Variants in ANGPT4 observed in about 807,000 individuals in gnomAD.
The protein encoded by ANGPT4 is angiopoietin-4.
ANGPT4 carries 50 observed loss-of-function variants against 53.0 expected under a neutral mutation model. The observed-to-expected ratio is 0.94, with a 90% confidence interval of 0.75 to 1.20. The LOEUF is 1.20. Ranked by LOEUF, ANGPT4 falls within the 50% of genes most tolerant of loss-of-function variation. The probability of loss-of-function intolerance (pLI) is 0.00; values close to 1 mark genes in which losing one functional copy is unlikely to be tolerated. For synonymous variants in ANGPT4, 251 were observed against 259.7 expected, an observed-to-expected ratio of 0.97 and a Z score of 0.32; for missense variants, 648 against 637.1, an observed-to-expected ratio of 1.02 and a Z score of -0.18.
At chr20:901,506 T>A (rs1193357685) in intron 1 of ANGPT4, among the ~76,000 whole-genome samples, 1 of 152,202 alleles carries the variant, frequency 6.6e-6, no homozygotes, top group Admixed American at 6.5e-5. Flanking sequence ...TGACTCCTTT[T>A]TCGGACTCAG....
intron 1 of ANGPT4, 126 bp downstream of exon 1, chr20:915,780 T>G (rs1982906167): frequency 2.4e-6 from 3 of 1,241,784 alleles, no homozygotes; most frequent in Non-Finnish European, 3.3e-6. Context: ...CCCCTGCCCC[T>G]CTTTGTGCAG....
At chr20:893,499 G>A (rs1030690003) in intron 1 of ANGPT4, among the ~76,000 whole-genome samples, 1 of 152,180 alleles carries the variant, frequency 6.6e-6, no homozygotes, top group South Asian at 2.1e-4. Context: ...GATGCCAAGA[G>A]GTCTGAGGAT....
intron 1 of ANGPT4, among the ~76,000 whole-genome samples, chr20:900,716 G>C (rs899979634): frequency 1.3e-5 from 2 of 152,150 alleles, no homozygotes; most frequent in Admixed American, 1.3e-4. Flanking sequence ...GAAGAAGGTT[G>C]TTTTCACCTA....
At chr20:907,356 G>T (rs954871807) in intron 1 of ANGPT4, among the ~76,000 whole-genome samples, 3 of 152,112 alleles carry the variant, frequency 2.0e-5, no homozygotes, top group African/African-American at 2.4e-5. Flanking sequence ...AGAGGGAGGG[G>T]AGCAGGGCCT....
chr20:892,559 C>T (rs913251494), intron 1 of ANGPT4, among the ~76,000 whole-genome samples: 1 of 150,006 alleles, frequency 6.7e-6, no homozygotes, highest in Non-Finnish European at 1.5e-5. Flanking sequence ...TGCACCACTG[C>T]ACTCCAGCCT....
intron 1 of ANGPT4, among the ~76,000 whole-genome samples, chr20:890,909 T>C (rs1339249563): frequency 6.6e-6 from 1 of 152,222 alleles, no homozygotes; most frequent in Non-Finnish European, 1.5e-5. Context: ...CGCATCTGCG[T>C]GGCACACCTC....
At chr20:900,283 T>A (rs1264685560) in intron 1 of ANGPT4, among the ~76,000 whole-genome samples, 1 of 152,190 alleles carries the variant, frequency 6.6e-6, no homozygotes, top group Admixed American at 6.5e-5. Context: ...ACTCGACGTT[T>A]TTTCATGCAC....
intron 1 of ANGPT4, among the ~76,000 whole-genome samples, chr20:906,523 T>G (rs1298678368): frequency 6.6e-6 from 1 of 152,280 alleles, no homozygotes; most frequent in African/African-American, 2.4e-5. Context: ...GGGTAATTTG[T>G]TATGCCACAA....
At chr20:913,242 A>C (rs1490610845) in intron 1 of ANGPT4, among the ~76,000 whole-genome samples, 1 of 152,170 alleles carries the variant, frequency 6.6e-6, no homozygotes. Flanking sequence ...TGAGTTTCAG[A>C]AGATCTGAGA....
At chr20:888,175 C>G in intron 3 of ANGPT4, 143 bp downstream of exon 3, 1 of 1,152,750 alleles carries the variant, frequency 8.7e-7, no homozygotes, top group Non-Finnish European at 1.2e-6. Flanking sequence ...GCTGCAGGCC[C>G]TATCCCAGAC....
intron 3 of ANGPT4, 115 bp from the exon 4 acceptor site, chr20:885,440 G>A: frequency 1.4e-6 from 2 of 1,393,894 alleles, no homozygotes; most frequent in East Asian, 5.1e-5. Flanking sequence ...CAAGTGTGGT[G>A]GAACGTCCTG....
intron 5 of ANGPT4, among the ~76,000 whole-genome samples, 193 bp downstream of exon 5, chr20:880,978 A>G (rs964978566): frequency 1.3e-5 from 2 of 152,222 alleles, no homozygotes; most frequent in Non-Finnish European, 2.9e-5. Context: ...TTAAGGATGC[A>G]CTTCCAACTT....
intron 2 of ANGPT4, among the ~76,000 whole-genome samples, chr20:889,299 A>T (rs752413670): frequency 6.6e-6 from 1 of 152,160 alleles, no homozygotes; most frequent in Non-Finnish European, 1.5e-5. Context: ...TGTTGTAAGA[A>T]AGTCGTCATC....
At chr20:915,654 C>A (rs775020889) in intron 1 of ANGPT4, among the ~76,000 whole-genome samples, 2 of 152,264 alleles carry the variant, frequency 1.3e-5, no homozygotes, top group South Asian at 4.1e-4. Context: ...AGGCTTGGTC[C>A]GTTCAGCCCT....
chr20:874,912 G>T (rs1199188764), intron 7 of ANGPT4, among the ~76,000 whole-genome samples: 4 of 152,000 alleles, frequency 2.6e-5, no homozygotes, highest in Non-Finnish European at 5.9e-5. Context: ...CAAACATAGG[G>T]TCTCACTATG....
intron 1 of ANGPT4, among the ~76,000 whole-genome samples, chr20:894,707 C>A (rs1981977665): frequency 6.6e-6 from 1 of 152,180 alleles, no homozygotes; most frequent in African/African-American, 2.4e-5. Context: ...CATATTCATG[C>A]CTGAGGTGAG....
intron 1 of ANGPT4, among the ~76,000 whole-genome samples, chr20:899,470 T>G (rs576501293): frequency 1.4e-4 from 22 of 152,128 alleles, no homozygotes; most frequent in East Asian, 7.8e-4. Context: ...AGCCAGGATA[T>G]TCTCGATTTC....
chr20:899,599 C>T (rs1322260522), intron 1 of ANGPT4, among the ~76,000 whole-genome samples: 2 of 152,092 alleles, frequency 1.3e-5, no homozygotes, highest in Non-Finnish European at 2.9e-5. Flanking sequence ...TCCCCACCTG[C>T]CCAGTACCCT....
rs761386387 is a variant in ANGPT4, at chr20:915,917, A to G, written c.298T>C (p.Trp100Arg). ...CCCATGCCCCGTACCTTCTTCAGCCACTGCGTGTTGTTCTGCAGTGCCTGC... is the reference window on the plus strand; with the variant it reads ...CCCATGCCCCGTACCTTCTTCAGCCGCTGCGTGTTGTTCTGCAGTGCCTGC... ...LEQALQNNTQ[W>R]LKKLERAIKT... is the part of the protein sequence containing the mutation. The change falls in exon 1 of 9, where the codon TGG becomes CGG. Residue 100 changes from tryptophan to arginine, a missense_variant. Coordinates refer to ENST00000381922, the MANE Select transcript of ANGPT4 (RefSeq NM_015985.4). The G allele has an allele frequency of 6.4e-7, 1 of 1,574,238 alleles. No individual in the cohort carries two copies. Among genetic ancestry groups the G allele is most frequent in the South Asian group, 1.2e-5 (1 of 85,126 alleles).
Sources: allele counts gnomAD v4.1 joint callset (sites outside exome capture counted in the v4.1 genomes callset), GRCh38; gene constraint gnomAD v4.1.1; transcripts MANE v1.5; gene names NCBI Gene and HGNC (gene_info 2026-07-23, HGNC 2026-07-21).